Variants in CADM2 observed in about 807,000 individuals in gnomAD.
The protein encoded by CADM2 is immunoglobulin superfamily member 4D.
Under a neutral mutation model 49.8 loss-of-function variants are expected in CADM2, and 12 were observed. The observed-to-expected ratio is 0.24, with a 90% CI of 0.15 to 0.39. CADM2 has a LOEUF of 0.39. CADM2 is among the 10% of genes least tolerant of loss of function. The pLI is 1.00. For missense variants in CADM2, 378 were observed against 492.3 expected (o/e 0.77, Z 2.20); for synonymous variants, 214 against 175.4 (o/e 1.22, Z -1.74).
chr3:85,338,478 A>G (rs961072441), intron 1 of CADM2, among the ~76,000 whole-genome samples: 1 of 151,568 alleles, frequency 6.6e-6, no homozygotes, highest in African/African-American at 2.4e-5. Flanking sequence ...ATATAGTAAT[A>G]AAAATAATTA....
chr3:85,832,929 T>C (rs1037477439), intron 3 of CADM2, among the ~76,000 whole-genome samples: 1 of 151,970 alleles, frequency 6.6e-6, no homozygotes, highest in Non-Finnish European at 1.5e-5. Flanking sequence ...CAGTACAATG[T>C]TGGCTGTGAA....
intron 3 of CADM2, among the ~76,000 whole-genome samples, chr3:85,880,432 C>T (rs1164809830): frequency 6.6e-6 from 1 of 151,810 alleles, no homozygotes; most frequent in African/African-American, 2.4e-5. Flanking sequence ...TCAAGATTTC[C>T]TCTTATTACT....
chr3:85,632,058 A>G (rs577806598), intron 1 of CADM2, among the ~76,000 whole-genome samples: 2 of 152,200 alleles, frequency 1.3e-5, no homozygotes, highest in South Asian at 2.1e-4. Flanking sequence ...TCTGTGTCCC[A>G]CCCAAATCTC....
intron 1 of CADM2, among the ~76,000 whole-genome samples, chr3:85,489,685 CA>C (rs532114655): frequency 0.04 from 4,601 of 114,588 alleles, 224 homozygotes; most frequent in African/African-American, 0.13. Flanking sequence ...CAAAACGAAA[CA>C]AAAAAAAAAC....
chr3:86,035,126 C>T (rs1734997426), intron 8 of CADM2, among the ~76,000 whole-genome samples: 1 of 152,020 alleles, frequency 6.6e-6, no homozygotes, highest in South Asian at 2.1e-4. Context: ...CATACAAAAT[C>T]ATTTGCAACA....
At chr3:85,197,825 T>G (rs748687369) in intron 1 of CADM2, among the ~76,000 whole-genome samples, 5 of 151,930 alleles carry the variant, frequency 3.3e-5, no homozygotes, top group Non-Finnish European at 7.4e-5. Context: ...AGTACGTATA[T>G]AATTAAAAGC....
chr3:84,982,134 G>C (rs73843250), intron 1 of CADM2, among the ~76,000 whole-genome samples: 1 of 152,120 alleles, frequency 6.6e-6, no homozygotes, highest in Admixed American at 6.5e-5. Flanking sequence ...CTTTTGAATA[G>C]TGTGGATTTG....
intron 4 of CADM2, among the ~76,000 whole-genome samples, chr3:85,883,916 G>A (rs957633547): frequency 6.6e-6 from 1 of 152,066 alleles, no homozygotes; most frequent in Non-Finnish European, 1.5e-5. Flanking sequence ...TGTGTATTTA[G>A]TGCATTTAAA....
At chr3:85,844,295 A>G (rs1394249642) in intron 3 of CADM2, among the ~76,000 whole-genome samples, 1 of 152,208 alleles carries the variant, frequency 6.6e-6, no homozygotes, top group East Asian at 1.9e-4. Flanking sequence ...AGAGTTCTCT[A>G]TATTTTACCA....
At chr3:85,618,780 A>C (rs2063877730) in intron 1 of CADM2, among the ~76,000 whole-genome samples, 1 of 152,122 alleles carries the variant, frequency 6.6e-6, no homozygotes, top group Non-Finnish European at 1.5e-5. Context: ...TACTGATCAA[A>C]ATTTGTGACA....
chr3:85,539,587 G>T (rs2061498035), intron 1 of CADM2, among the ~76,000 whole-genome samples: 1 of 151,850 alleles, frequency 6.6e-6, no homozygotes. Context: ...CTATTCTGTT[G>T]GAACAACACC....
intron 1 of CADM2, among the ~76,000 whole-genome samples, chr3:85,283,334 A>T (rs986004852): frequency 6.6e-6 from 1 of 151,734 alleles, no homozygotes; most frequent in Non-Finnish European, 1.5e-5. Flanking sequence ...CCCTTCTTCC[A>T]TAAATATTAT....
intron 7 of CADM2, among the ~76,000 whole-genome samples, chr3:85,960,765 T>C (rs980453102): frequency 6.6e-6 from 1 of 151,652 alleles, no homozygotes; most frequent in African/African-American, 2.4e-5. Flanking sequence ...GGAATTTTGT[T>C]AAAAGAAAAC....
intron 1 of CADM2, among the ~76,000 whole-genome samples, chr3:85,661,819 C>T (rs889902051): frequency 6.6e-6 from 1 of 151,902 alleles, no homozygotes; most frequent in African/African-American, 2.4e-5. Flanking sequence ...TTCCAAAACT[C>T]ATTTTTTTAA....
At chr3:85,335,494 T>A (rs1045589279) in intron 1 of CADM2, among the ~76,000 whole-genome samples, 2 of 151,530 alleles carry the variant, frequency 1.3e-5, no homozygotes, top group African/African-American at 4.8e-5. Flanking sequence ...TCAATACACA[T>A]GTACAATGTG....
chr3:85,643,502 T>A (rs1280264880), intron 1 of CADM2, among the ~76,000 whole-genome samples: 2 of 152,172 alleles, frequency 1.3e-5, no homozygotes, highest in Admixed American at 6.6e-5. Flanking sequence ...AATTGAGAAG[T>A]AATTAGCAAA....
At chr3:85,603,650 T>G (rs2063478170) in intron 1 of CADM2, among the ~76,000 whole-genome samples, 1 of 151,950 alleles carries the variant, frequency 6.6e-6, no homozygotes, top group Admixed American at 6.6e-5. Context: ...ATTTTAGTTT[T>G]ATTAGTACCT....
At chr3:85,869,090 A>C (rs1295368206) in intron 3 of CADM2, among the ~76,000 whole-genome samples, 19 of 152,100 alleles carry the variant, frequency 1.2e-4, no homozygotes, top group Admixed American at 1.2e-3. Context: ...CTTTTATGAT[A>C]AATTGTATTT....
intron 1 of CADM2, among the ~76,000 whole-genome samples, chr3:85,428,962 GA>G (rs2036547055): frequency 6.6e-6 from 1 of 151,802 alleles, no homozygotes; most frequent in African/African-American, 2.4e-5. Flanking sequence ...CAAATTCTCT[GA>G]TCAATACTTT....
Sources: gnomAD v4.1 joint callset for allele counts (sites outside exome capture counted in the v4.1 genomes callset) on GRCh38, gnomAD v4.1.1 for gene constraint, MANE v1.5 for transcripts, NCBI Gene and HGNC (gene_info 2026-07-23, HGNC 2026-07-21) for gene names.